The following ADCY2 variants were observed in gnomAD, a reference collection of about 807,000 sequenced individuals.
The protein encoded by ADCY2 is adenylate cyclase type 2.
A neutral mutation model predicts 125.2 loss-of-function variants in ADCY2; 31 were observed. That is an observed-to-expected ratio of 0.25 (90% CI 0.19 to 0.33). The LOEUF is 0.33. Ranked by LOEUF, ADCY2 falls within the 10% of genes least tolerant of loss-of-function variation. ADCY2 has a pLI of 1.00. For missense variants in ADCY2, 904 were observed against 1,418.2 expected, an observed-to-expected ratio of 0.64 and a Z score of 5.82; for synonymous variants, 512 against 548.4, an observed-to-expected ratio of 0.93 and a Z score of 0.93.
chr5:7,541,180 A>C (rs1734982953), intron 3 of ADCY2, among the ~76,000 whole-genome samples: 1 of 152,168 alleles, frequency 6.6e-6, no homozygotes, highest in South Asian at 2.1e-4. Context: ...ATGGGGTCTT[A>C]AAAGACCGTT....
intron 20 of ADCY2, among the ~76,000 whole-genome samples, chr5:7,790,514 A>G (rs1368095241): frequency 6.6e-6 from 1 of 152,262 alleles, no homozygotes; most frequent in African/African-American, 2.4e-5. Context: ...GAAAGCAGAT[A>G]TGTCTACATT....
chr5:7,513,139 A>G lies in ADCY2; in HGVS notation c.409-7599A>G, dbSNP rs190663802. On this transcript the variant is annotated intron_variant, in intron 2 of 24. Transcript: ENST00000338316. ...GAGAGAGAGAGAGAGAGCAAGAGAG[A>G]GAGAGAGAAAGATCTGGGGAGAGAG... Among the ~76,000 whole-genome samples the G allele has an allele frequency of 5.9e-4, 89 of 152,108 alleles. 1 individual carries two copies. The highest frequency in any genetic ancestry group is 2.1e-3 in the African/African-American group (87 of 41,502).
chr5:7,475,494 G>C (rs751975180), intron 2 of ADCY2, among the ~76,000 whole-genome samples: 31 of 151,984 alleles, frequency 2.0e-4, no homozygotes, highest in Non-Finnish European at 2.6e-4. Context: ...AGATTCTCCT[G>C]ACTCAGCCTC....
chr5:7,666,515 G>A (rs188116247), intron 4 of ADCY2, among the ~76,000 whole-genome samples: 229 of 152,244 alleles, frequency 1.5e-3, no homozygotes, highest in Non-Finnish European at 2.3e-3. Context: ...TGATCCGACC[G>A]CCTCGGCCTC....
intron 2 of ADCY2, among the ~76,000 whole-genome samples, chr5:7,474,833 T>C (rs1488228055): frequency 1.3e-5 from 2 of 152,100 alleles, no homozygotes; most frequent in African/African-American, 4.8e-5. Flanking sequence ...GTGGGGTGGT[T>C]GGAAAGTGTT....
chr5:7,761,129 ATTTCTTTTCTTTTCT>A (rs904295049), intron 16 of ADCY2, among the ~76,000 whole-genome samples: 2 of 99,542 alleles, frequency 2.0e-5, no homozygotes, highest in African/African-American at 8.0e-5. Context: ...GTGTATCAAA[ATTTCTTTTCTTTTCT>A]TTTCTTTTTT....
chr5:7,569,352 G>C lies in ADCY2; in HGVS notation c.570+48453G>C, dbSNP rs1360696272. On this transcript the variant is annotated intron_variant, in intron 3 of 24. Transcript: ENST00000338316. ...ACCTGGCTGTTGGATGTGGATGAGT[G>C]CTTGAGGCTTGAAAAAGACTTGGGC... 5.3e-5 allele frequency among the ~76,000 whole-genome samples: 8 copies of C among 152,230 alleles called. No homozygotes were observed. In the East Asian group the frequency reaches 1.5e-3, roughly 29 times the overall value.
chr5:7,548,566 A>G (rs954882038), intron 3 of ADCY2, among the ~76,000 whole-genome samples: 1 of 152,132 alleles, frequency 6.6e-6, no homozygotes, highest in African/African-American at 2.4e-5. Flanking sequence ...AACAACTTCT[A>G]TTTCAGTTTT....
chr5:7,656,054 C>CTTTT (rs1272806102), intron 4 of ADCY2, among the ~76,000 whole-genome samples: 1 of 132,368 alleles, frequency 7.6e-6, no homozygotes, highest in African/African-American at 2.8e-5. Context: ...TTTTCATTTT[C>CTTTT]TTTTTTTTTT....
intron 3 of ADCY2, among the ~76,000 whole-genome samples, chr5:7,620,792 T>C (rs2126652706): frequency 6.6e-6 from 1 of 152,294 alleles, no homozygotes; most frequent in South Asian, 2.1e-4. Context: ...TCCTTTGACT[T>C]ATAATTGGTG....
intron 14 of ADCY2, among the ~76,000 whole-genome samples, chr5:7,738,462 A>C (rs1742310658): frequency 6.6e-6 from 1 of 152,078 alleles, no homozygotes; most frequent in Non-Finnish European, 1.5e-5. Flanking sequence ...AGATAGTAAA[A>C]TGGTACGTTT....
chr5:7,430,535 CTA>C lies in ADCY2; in HGVS notation c.408+15776_408+15777del, dbSNP rs1036373917. Among the ~76,000 whole-genome samples the C allele has an allele frequency of 3.1e-4, 44 of 140,462 alleles. No individual in the cohort carries two copies. In the East Asian group the frequency reaches 4.2e-3, roughly 13 times the overall value. The allele number at this position is 140,462 out of a possible 152,430, so 92.1% of individuals were successfully genotyped here. A position where few individuals can be genotyped will look rare whatever the true frequency, so the allele number is the denominator to read the frequency against. ...TCATGTGTGTATGTATATATATATACTATATATATATAGTATATTGATATACT... is the reference window on the plus strand; with the variant it reads ...TCATGTGTGTATGTATATATATATACTATATATATAGTATATTGATATACT... On this transcript the variant is annotated intron_variant, in intron 2 of 24. Transcript: ENST00000338316.
At chr5:7,545,104 G>C (rs114667052) in intron 3 of ADCY2, among the ~76,000 whole-genome samples, 8 of 152,262 alleles carry the variant, frequency 5.3e-5, no homozygotes, top group Non-Finnish European at 1.0e-4. Flanking sequence ...CATCTGACCC[G>C]TCACTTTTGC....
chr5:7,523,857 G>A (rs1340874930), intron 3 of ADCY2, among the ~76,000 whole-genome samples: 1 of 152,220 alleles, frequency 6.6e-6, no homozygotes, highest in Non-Finnish European at 1.5e-5. Flanking sequence ...GCAAACTATA[G>A]TCAATATCAC....
At chr5:7,745,133 C>T (rs994531288) in intron 15 of ADCY2, among the ~76,000 whole-genome samples, 3 of 152,176 alleles carry the variant, frequency 2.0e-5, no homozygotes, top group South Asian at 2.1e-4. Flanking sequence ...CAGGACAGCG[C>T]GATAGTGGCC....
intron 4 of ADCY2, 52 bp downstream of exon 4, chr5:7,626,368 A>G (rs776045266): frequency 1.3e-6 from 2 of 1,582,332 alleles, no homozygotes; most frequent in Non-Finnish European, 1.7e-6. Flanking sequence ...TATTAAAATG[A>G]TGCTGTTACT....
intron 2 of ADCY2, among the ~76,000 whole-genome samples, chr5:7,438,280 T>C (rs561932881): frequency 2.0e-5 from 3 of 152,214 alleles, no homozygotes; most frequent in Non-Finnish European, 4.4e-5. Context: ...CAAGTAATTA[T>C]GGAGAGGCTA....
intron 3 of ADCY2, among the ~76,000 whole-genome samples, chr5:7,542,674 G>T (rs539992805): frequency 6.6e-6 from 1 of 152,344 alleles, no homozygotes; most frequent in South Asian, 2.1e-4. Context: ...CTGAGAAACT[G>T]CAATGTTGCC....
intron 2 of ADCY2, among the ~76,000 whole-genome samples, chr5:7,496,728 A>G (rs911153553): frequency 1.3e-5 from 2 of 152,186 alleles, no homozygotes; most frequent in Non-Finnish European, 1.5e-5. Context: ...AACCACTAGC[A>G]TTAATGGAGG....
Sources: allele counts gnomAD v4.1 joint callset (sites outside exome capture counted in the v4.1 genomes callset), GRCh38; gene constraint gnomAD v4.1.1; transcripts MANE v1.5; gene names NCBI Gene and HGNC (gene_info 2026-07-23, HGNC 2026-07-21).